The following LYPD8 variants were observed in gnomAD, a reference collection of about 807,000 sequenced individuals.
LYPD8 encodes LY6/PLAUR domain containing 8.
A neutral mutation model predicts 1.7 loss-of-function variants in LYPD8; 8 were observed. The ratio of observed to expected loss-of-function variants is 4.58; its 90% CI spans 2.69 to 8.27. The LOEUF is 8.27. LYPD8 is among the 30% of genes most tolerant of loss of function. The probability of loss-of-function intolerance (pLI) is 0.00; values close to 1 mark genes in which losing one functional copy is unlikely to be tolerated. For missense variants in LYPD8, 112 were observed against 102.3 expected (o/e 1.09, Z -0.41); for synonymous variants, 50 against 43.6 (o/e 1.15, Z -0.58).
intron 2 of LYPD8, among the ~76,000 whole-genome samples, chr1:248,754,289 G>A (rs1012266337): frequency 2.8e-5 from 4 of 143,726 alleles, no homozygotes; most frequent in African/African-American, 7.9e-5. Context: ...CACACCATGC[G>A]CTAAATACAT....
At chr1:248,742,864 GT>G (rs1319916002) in intron 6 of LYPD8, among the ~76,000 whole-genome samples, 1 of 119,982 alleles carries the variant, frequency 8.3e-6, no homozygotes, top group African/African-American at 3.7e-5. Flanking sequence ...TTACGCTCTG[GT>G]GGGGATGTTG....
In LYPD8 at chr1:248,739,920, T is replaced by C; in HGVS notation, c.476-71A>G. 3 of 1,533,990 alleles carry C rather than the reference T, an allele frequency of 2.0e-6. No individual in the cohort carries two copies. Among genetic ancestry groups the C allele is most frequent in the East Asian group, 2.5e-5 (1 of 40,714 alleles). On this transcript the variant is annotated intron_variant, in intron 6 of 6. Coordinates refer to ENST00000590317, the MANE Select transcript of LYPD8 (RefSeq NM_001085474.2). The surrounding 1 kb of genome is among the most constrained non-coding windows in gnomAD (Gnocchi z 4.3). ...CCTTCCACCCACGCCTGCTCTTAGT[T>C]CTTCACCTGCAGCACGGTGGCCCGG...
chr1:248,745,833 T>A (rs1254410323), intron 5 of LYPD8, among the ~76,000 whole-genome samples: 1 of 152,248 alleles, frequency 6.6e-6, no homozygotes. Context: ...CAGGAAGCCT[T>A]GAGTCCCTGA....
intron 6 of LYPD8, among the ~76,000 whole-genome samples, chr1:248,744,894 T>C (rs1436976422): frequency 6.6e-6 from 1 of 152,146 alleles, no homozygotes; most frequent in Non-Finnish European, 1.5e-5. Context: ...GTGACTGGAT[T>C]ACAAGCCACA....
intron 2 of LYPD8, among the ~76,000 whole-genome samples, chr1:248,753,124 A>C (rs1195195333): frequency 0.094 from 7,431 of 78,882 alleles, 400 homozygotes; most frequent in East Asian, 0.26. Flanking sequence ...AACACACACA[A>C]CACAACACAC....
rs1662904838 is a variant in LYPD8, at chr1:248,755,403, C to CCACACAGAATGAAGAATGTCA, written c.-197-38_-197-18dup. On this transcript the variant is annotated splice_polypyrimidine_tract_variant and intron_variant, in intron 1 of 6. Coordinates refer to ENST00000590317, the MANE Select transcript of LYPD8 (RefSeq NM_001085474.2). ...CTAGAGAGGCTGTGAGGACACAAAA[C>CCACACAGAATGAAGAATGTCA]CACACAGAATGAAGAATGTCACACA... The CCACACAGAATGAAGAATGTCA allele has an allele frequency of 6.6e-6, 1 of 152,218 alleles. No homozygotes were observed. Among genetic ancestry groups the CCACACAGAATGAAGAATGTCA allele is most frequent in the East Asian group, 1.9e-4 (1 of 5,198 alleles). 9.4% of individuals were successfully genotyped at this position (152,218 alleles called of 1,614,324 possible).
intron 2 of LYPD8, among the ~76,000 whole-genome samples, chr1:248,754,313 C>G (rs1662889529): frequency 1.3e-5 from 2 of 151,084 alleles, no homozygotes; most frequent in African/African-American, 4.9e-5. Context: ...ACATACTACA[C>G]ACATGCAAAT....
intron 2 of LYPD8, among the ~76,000 whole-genome samples, chr1:248,753,973 C>T (rs1662883767): frequency 6.6e-6 from 1 of 150,616 alleles, no homozygotes; most frequent in African/African-American, 2.5e-5. Context: ...ACATGACACA[C>T]ACCACACACT....
intron 2 of LYPD8, among the ~76,000 whole-genome samples, chr1:248,752,777 ACACACAC>A (rs1572156289): frequency 1.5e-5 from 1 of 65,518 alleles, no homozygotes; most frequent in African/African-American, 6.6e-5. Context: ...ACCCCACACA[ACACACAC>A]CACACACACA....
intron 6 of LYPD8, among the ~76,000 whole-genome samples, chr1:248,740,436 T>C (rs1490669056): frequency 6.6e-6 from 1 of 152,222 alleles, no homozygotes; most frequent in Non-Finnish European, 1.5e-5. Context: ...TTGAGATTCA[T>C]GTACTAGAAA....
At chr1:248,743,638 T>C (rs1175073662) in intron 6 of LYPD8, among the ~76,000 whole-genome samples, 78 of 152,318 alleles carry the variant, frequency 5.1e-4, no homozygotes, top group African/African-American at 1.7e-3. Flanking sequence ...ACTCTTACGC[T>C]TTTGAGCCAC....
intron 4 of LYPD8, 105 bp from the exon 5 acceptor site, chr1:248,748,558 C>T: frequency 2.5e-6 from 1 of 396,994 alleles, no homozygotes; most frequent in Non-Finnish European, 4.4e-6. Flanking sequence ...GAAAATGCAA[C>T]CTCAGTATCA....
chr1:248,755,180 T>C (rs1423023834), intron 2 of LYPD8, 59 bp downstream of exon 2: 3 of 152,190 alleles, frequency 2.0e-5, no homozygotes, highest in African/African-American at 7.2e-5. Flanking sequence ...AGGGCCGTGC[T>C]CAACACCTCT....
chr1:248,752,817 AT>A (rs1572156339), intron 2 of LYPD8, among the ~76,000 whole-genome samples: 3 of 73,978 alleles, frequency 4.1e-5, no homozygotes, highest in African/African-American at 6.6e-5. Context: ...ACACACACAC[AT>A]CACATCACAC....
chr1:248,752,874 ACCCC>A (rs1662837649), intron 2 of LYPD8, among the ~76,000 whole-genome samples: 3 of 105,862 alleles, frequency 2.8e-5, no homozygotes, highest in Non-Finnish European at 5.5e-5. Flanking sequence ...CACACCACAC[ACCCC>A]ACACAACACA....
Position 248,744,638 on chromosome 1 carries a change from G to A in LYPD8, c.475+504C>T, listed in dbSNP as rs576542287. ...GATCTCACAATGGGTAGTGTCAAAT[G>A]TGTATTTTACGATAGTTAGTATCAA... is the stretch of plus-strand genomic sequence containing the variant. On this transcript the variant is annotated intron_variant, in intron 6 of 6. Coordinates refer to ENST00000590317, the MANE Select transcript of LYPD8 (RefSeq NM_001085474.2). Among the ~76,000 whole-genome samples the A allele has an allele frequency of 1.5e-3, 233 of 151,704 alleles. 3 individuals carry two copies. The highest frequency in any genetic ancestry group is 5.5e-3 in the African/African-American group (224 of 40,972).
chr1:248,750,910 A>T (rs1478697549), intron 3 of LYPD8, 120 bp downstream of exon 3: 1 of 398,156 alleles, frequency 2.5e-6, no homozygotes, highest in Admixed American at 4.4e-5. Context: ...GACAGGTCTC[A>T]TGGTCATCCC....
At chr1:248,753,188 ACC>A (rs1662853075) in intron 2 of LYPD8, among the ~76,000 whole-genome samples, 1 of 70,974 alleles carries the variant, frequency 1.4e-5, no homozygotes, top group Non-Finnish European at 2.7e-5. Flanking sequence ...ACACACACAC[ACC>A]ACATCACACC....
chr1:248,752,789 C>CA (rs1662830681), intron 2 of LYPD8, among the ~76,000 whole-genome samples: 1 of 99,074 alleles, frequency 1.0e-5, no homozygotes. Context: ...ACACACCACA[C>CA]ACACACCACA....
Sources: gnomAD v4.1 joint callset for allele counts (sites outside exome capture counted in the v4.1 genomes callset) on GRCh38, gnomAD v4.1.1 for gene constraint, Gnocchi (gnomAD v3.1) non-coding constraint, MANE v1.5 for transcripts, NCBI Gene and HGNC (gene_info 2026-07-23, HGNC 2026-07-21) for gene names.